The following DAB1 variants were observed in gnomAD, a reference collection of about 807,000 sequenced individuals.
DAB1 encodes disabled homolog 1.
DAB1 carries 15 observed loss-of-function variants against 64.6 expected under a neutral mutation model. That is an observed-to-expected ratio of 0.23 (90% confidence interval 0.16 to 0.36). The LOEUF is 0.36. Among genes scored for constraint, DAB1 ranks in the 10% least tolerant of loss-of-function variants. DAB1 has a pLI of 1.00. For synonymous variants in DAB1, 235 were observed against 251.9 expected, an observed-to-expected ratio of 0.93 and a Z score of 0.64; for missense variants, 596 against 706.7, an observed-to-expected ratio of 0.84 and a Z score of 1.78.
chr1:57,777,147 T>TC (rs1338448041), intron 6 of DAB1, among the ~76,000 whole-genome samples: 2 of 150,482 alleles, frequency 1.3e-5, no homozygotes, highest in Non-Finnish European at 3.0e-5. Flanking sequence ...ATTTCTTTTT[T>TC]TTTTTTTTTT....
intron 5 of DAB1, among the ~76,000 whole-genome samples, chr1:58,037,356 C>T (rs536456507): frequency 1.6e-3 from 250 of 152,232 alleles, no homozygotes; most frequent in African/African-American, 5.7e-3. Flanking sequence ...TCTTCCCTTA[C>T]GGCAGGGGTC....
At chr1:57,607,067 G>A (rs1478915509) in intron 7 of DAB1, among the ~76,000 whole-genome samples, 22 of 1,316 alleles carry the variant, frequency 0.017, no homozygotes, top group African/African-American at 0.02. Flanking sequence ...GATTACAGGT[G>A]TGTGAGCCAC....
intron 4 of DAB1, among the ~76,000 whole-genome samples, chr1:58,176,177 C>T (rs1656464551): frequency 6.6e-6 from 1 of 152,238 alleles, no homozygotes; most frequent in Admixed American, 6.5e-5. Flanking sequence ...GGTGGGTATG[C>T]TCTGTGCCAT....
chr1:57,955,539 T>TAAGGATGGAATGTCATTTTCTAAG (rs10646186), intron 5 of DAB1, among the ~76,000 whole-genome samples: 2 of 151,772 alleles, frequency 1.3e-5, no homozygotes, highest in Non-Finnish European at 2.9e-5. Flanking sequence ...TGTCATTTTC[T>TAAGGATGGAATGTCATTTTCTAAG]GTTTCACTTT....
intron 3 of DAB1, among the ~76,000 whole-genome samples, chr1:58,491,146 T>A (rs545488706): frequency 3.9e-5 from 6 of 152,064 alleles, no homozygotes; most frequent in African/African-American, 1.4e-4. Flanking sequence ...AACCCAGAAT[T>A]TCATATCCAG....
chr1:58,308,908 C>T (rs535853673), intron 4 of DAB1, among the ~76,000 whole-genome samples: 1 of 152,280 alleles, frequency 6.6e-6, no homozygotes, highest in Non-Finnish European at 1.5e-5. Flanking sequence ...AGAAAGATGA[C>T]GTTTATTCCT....
chr1:57,460,195 G>T (rs147547208), intron 7 of DAB1, among the ~76,000 whole-genome samples: 129 of 152,308 alleles, frequency 8.5e-4, no homozygotes, highest in East Asian at 7.9e-3. Context: ...CTCATTCAGG[G>T]CACACAGTAT....
intron 3 of DAB1, among the ~76,000 whole-genome samples, chr1:58,491,563 G>A (rs1277854039): frequency 6.6e-6 from 1 of 152,072 alleles, no homozygotes; most frequent in Non-Finnish European, 1.5e-5. Flanking sequence ...TAAAAGGATG[G>A]AGGAAGATCT....
At chr1:57,223,659 C>G (rs1010069459) in intron 2 of DAB1, among the ~76,000 whole-genome samples, 2 of 152,182 alleles carry the variant, frequency 1.3e-5, no homozygotes, top group African/African-American at 2.4e-5. Context: ...GTACGAACAC[C>G]TTGCAGTATG....
At chr1:57,436,420 A>C (rs547838970) in intron 7 of DAB1, among the ~76,000 whole-genome samples, 1 of 152,272 alleles carries the variant, frequency 6.6e-6, no homozygotes. Context: ...TTTTGCCTTA[A>C]TTTTCAATTA....
chr1:58,014,901 G>T (rs1163424557), intron 5 of DAB1, among the ~76,000 whole-genome samples: 2 of 152,200 alleles, frequency 1.3e-5, no homozygotes, highest in African/African-American at 4.8e-5. Context: ...AGGGTACAAA[G>T]AAGGGGGAAA....
chr1:57,850,248 T>C (rs111334583), intron 1 of DAB1, among the ~76,000 whole-genome samples: 382 of 152,282 alleles, frequency 2.5e-3, no homozygotes, highest in South Asian at 2.9e-3. Flanking sequence ...TTACAAATCA[T>C]AGGACCTCAC....
At chr1:57,649,293 G>A (rs1646228931) in intron 7 of DAB1, among the ~76,000 whole-genome samples, 1 of 152,156 alleles carries the variant, frequency 6.6e-6, no homozygotes, top group African/African-American at 2.4e-5. Context: ...TCTATTAGAA[G>A]TGGCTAAAAC....
At chr1:58,217,869 T>C (rs963924774) in intron 4 of DAB1, among the ~76,000 whole-genome samples, 4 of 152,196 alleles carry the variant, frequency 2.6e-5, no homozygotes, top group African/African-American at 4.8e-5. Context: ...TATCTGTTAA[T>C]ATTTGAATGA....
chr1:58,083,211 A>T (rs1298655903), intron 5 of DAB1, among the ~76,000 whole-genome samples: 1 of 152,206 alleles, frequency 6.6e-6, no homozygotes, highest in Non-Finnish European at 1.5e-5. Flanking sequence ...CCCTCCCCAC[A>T]ACCCCAATTA....
At chr1:57,796,847 G>T (rs1447661119) in intron 6 of DAB1, among the ~76,000 whole-genome samples, 1 of 152,020 alleles carries the variant, frequency 6.6e-6, no homozygotes, top group Non-Finnish European at 1.5e-5. Flanking sequence ...CTTTCTACTG[G>T]CTATAGATCC....
At chr1:58,175,187 C>T (rs1189796054) in intron 4 of DAB1, among the ~76,000 whole-genome samples, 6 of 152,210 alleles carry the variant, frequency 3.9e-5, no homozygotes, top group Admixed American at 2.6e-4. Flanking sequence ...TCTGCAGCTT[C>T]ATTCCTGAAG....
intron 1 of DAB1, among the ~76,000 whole-genome samples, chr1:57,398,505 C>T (rs989027897): frequency 2.0e-5 from 3 of 152,076 alleles, no homozygotes; most frequent in Non-Finnish European, 4.4e-5. Flanking sequence ...TTGTTTGTTT[C>T]GGAATATTTT....
At chr1:57,602,837 G>A (rs896458324) in intron 7 of DAB1, among the ~76,000 whole-genome samples, 4 of 152,254 alleles carry the variant, frequency 2.6e-5, no homozygotes, top group African/African-American at 9.6e-5. Context: ...TGAGGGCAGA[G>A]CATCTTCAAC....
Sources: allele counts gnomAD v4.1 joint callset (sites outside exome capture counted in the v4.1 genomes callset), GRCh38; gene constraint gnomAD v4.1.1; transcripts MANE v1.5; gene names NCBI Gene and HGNC (gene_info 2026-07-23, HGNC 2026-07-21).